Variants in EIF4E observed in about 807,000 individuals in gnomAD.
The protein encoded by EIF4E is eIF-4F 25 kDa subunit.
For synonymous variants in EIF4E, 71 were observed against 88.5 expected, an observed-to-expected ratio of 0.80 and a Z score of 1.11; for missense variants, 113 against 265.6, an observed-to-expected ratio of 0.43 and a Z score of 3.99.
intron 1 of EIF4E, among the ~76,000 whole-genome samples, chr4:98,918,025 G>A (rs1725460826): frequency 6.6e-6 from 1 of 151,970 alleles, no homozygotes; most frequent in South Asian, 2.1e-4. Flanking sequence ...GCAGTGAGCA[G>A]AGACTGCACT....
At chr4:98,899,455 G>C (rs528505163) in intron 2 of EIF4E, among the ~76,000 whole-genome samples, 2 of 152,136 alleles carry the variant, frequency 1.3e-5, no homozygotes, top group Non-Finnish European at 2.9e-5. Flanking sequence ...ATAGAAACCA[G>C]GAACTCTCAA....
chr4:98,888,593 C>G (rs1335121546), intron 3 of EIF4E, among the ~76,000 whole-genome samples: 1 of 152,144 alleles, frequency 6.6e-6, no homozygotes, highest in African/African-American at 2.4e-5. Context: ...GTCTGTATTT[C>G]TAAACTATTT....
At chr4:98,892,712 A>C (rs2110187378) in intron 2 of EIF4E, among the ~76,000 whole-genome samples, 1 of 152,064 alleles carries the variant, frequency 6.6e-6, no homozygotes, top group South Asian at 2.1e-4. Flanking sequence ...AAGGCGAGAA[A>C]CAGGTTGGCT....
intron 1 of EIF4E, among the ~76,000 whole-genome samples, chr4:98,905,812 G>A (rs1724848751): frequency 6.6e-6 from 1 of 152,162 alleles, no homozygotes; most frequent in Non-Finnish European, 1.5e-5. Context: ...AAGCAAGCAA[G>A]GGTGAGAAAA....
chr4:98,892,968 T>C (rs778561270), intron 2 of EIF4E, among the ~76,000 whole-genome samples: 1 of 152,192 alleles, frequency 6.6e-6, no homozygotes, highest in Admixed American at 6.5e-5. Context: ...ATATTATATA[T>C]AGAGGCATAC....
chr4:98,923,925 C>T (rs1033463786), intron 1 of EIF4E, among the ~76,000 whole-genome samples: 1 of 152,100 alleles, frequency 6.6e-6, no homozygotes, highest in African/African-American at 2.4e-5. Context: ...TATCTTATTC[C>T]GACTTTCAGC....
intron 6 of EIF4E, among the ~76,000 whole-genome samples, chr4:98,884,285 T>A (rs1723819929): frequency 1.3e-5 from 2 of 152,150 alleles, no homozygotes; most frequent in South Asian, 4.1e-4. Flanking sequence ...CAAACAGCAC[T>A]TTCAAAGTAG....
chr4:98,885,108 C>T, intron 5 of EIF4E, 47 bp from the exon 6 acceptor site: 1 of 1,580,608 alleles, frequency 6.3e-7, no homozygotes, highest in Non-Finnish European at 8.6e-7. Flanking sequence ...TAAACAAGCT[C>T]ATTACACTGC....
At chr4:98,904,203 T>C (rs1455288385) in intron 1 of EIF4E, among the ~76,000 whole-genome samples, 1 of 152,162 alleles carries the variant, frequency 6.6e-6, no homozygotes, top group Non-Finnish European at 1.5e-5. Flanking sequence ...CTTATGTCTG[T>C]AATTGCAGCA....
intron 1 of EIF4E, among the ~76,000 whole-genome samples, chr4:98,903,250 A>G (rs1272251187): frequency 6.6e-6 from 1 of 152,240 alleles, no homozygotes; most frequent in Non-Finnish European, 1.5e-5. Context: ...AGACTGAAGC[A>G]GCAAACAACA....
At chr4:98,918,711 T>C (rs1309174836) in intron 1 of EIF4E, among the ~76,000 whole-genome samples, 1 of 152,196 alleles carries the variant, frequency 6.6e-6, no homozygotes, top group Admixed American at 6.5e-5. Flanking sequence ...TAGTGTAACA[T>C]ATACCATCAG....
chr4:98,928,764 A>T, intron 1 of EIF4E: 1 of 1,279,280 alleles, frequency 7.8e-7, no homozygotes, highest in East Asian at 2.7e-5. Flanking sequence ...CCTTCCTATC[A>T]TGAAGACACC....
intron 2 of EIF4E, among the ~76,000 whole-genome samples, chr4:98,899,219 T>C (rs1724544448): frequency 6.6e-6 from 1 of 152,070 alleles, no homozygotes; most frequent in Admixed American, 6.6e-5. Flanking sequence ...TTCCATAACT[T>C]GTTAGCTTGA....
chr4:98,904,946 A>G (rs1579168615), intron 1 of EIF4E, among the ~76,000 whole-genome samples: 1 of 152,238 alleles, frequency 6.6e-6, no homozygotes, highest in East Asian at 1.9e-4. Flanking sequence ...AATACCATAA[A>G]AATTTTTATT....
chr4:98,886,218 A>C (rs1723914229), intron 5 of EIF4E: 1 of 194,948 alleles, frequency 5.1e-6, no homozygotes. Context: ...ACTATAAACC[A>C]GGCACGGTTT....
chr4:98,885,205 A>G (rs573869577), intron 5 of EIF4E, 144 bp from the exon 6 acceptor site: 2 of 1,022,226 alleles, frequency 2.0e-6, no homozygotes, highest in African/African-American at 1.6e-5. Flanking sequence ...TTATTTGCAT[A>G]TATTGATCTG....
intron 1 of EIF4E, among the ~76,000 whole-genome samples, chr4:98,925,001 A>C (rs1028350988): frequency 3.0e-4 from 45 of 152,340 alleles, no homozygotes; most frequent in Non-Finnish European, 2.5e-4. Context: ...TCATTAAGCA[A>C]AAAGTCCACT....
intron 1 of EIF4E, among the ~76,000 whole-genome samples, chr4:98,911,261 A>G (rs1371747105): frequency 1.3e-5 from 2 of 148,788 alleles, no homozygotes; most frequent in Non-Finnish European, 3.0e-5. Flanking sequence ...TCTTGGCCAG[A>G]CTGGTCTTGA....
chr4:98,922,672 T>C (rs1248507775), intron 1 of EIF4E, among the ~76,000 whole-genome samples: 1 of 152,114 alleles, frequency 6.6e-6, no homozygotes, highest in African/African-American at 2.4e-5. Flanking sequence ...ACATTAAAAA[T>C]AGCTGTTACA....
Sources: allele counts gnomAD v4.1 joint callset (sites outside exome capture counted in the v4.1 genomes callset), GRCh38; gene constraint gnomAD v4.1.1; transcripts MANE v1.5; gene names NCBI Gene and HGNC (gene_info 2026-07-23, HGNC 2026-07-21).